Variants in TLK2 observed in about 807,000 individuals in gnomAD.
TLK2 encodes tousled like kinase 2.
A neutral mutation model predicts 117.3 loss-of-function variants in TLK2; 6 were observed. The ratio of observed to expected loss-of-function variants is 0.05; its 90% CI spans 0.03 to 0.10. TLK2 has a LOEUF of 0.10. TLK2 is among the 10% of genes least tolerant of loss of function. TLK2 has a pLI of 1.00. For missense variants in TLK2, 299 were observed against 901.2 expected, an observed-to-expected ratio of 0.33 and a Z score of 8.56; for synonymous variants, 257 against 316.7, an observed-to-expected ratio of 0.81 and a Z score of 2.00.
chr17:62,476,384 C>G (rs1368812013), upstream of TLK2, among the ~76,000 whole-genome samples: 3 of 151,740 alleles, frequency 2.0e-5, no homozygotes, highest in Non-Finnish European at 2.9e-5. Context: ...GAGTTCGAGA[C>G]CAGTCTGGCC....
chr17:62,482,260 C>CT (rs1399213055), intron 2 of TLK2, among the ~76,000 whole-genome samples: 1 of 151,958 alleles, frequency 6.6e-6, no homozygotes, highest in Admixed American at 6.6e-5. Context: ...AGCTTTTGAT[C>CT]TTTAACCAGT....
chr17:62,586,649 G>A (rs1015344329), intron 16 of TLK2, among the ~76,000 whole-genome samples: 36 of 151,944 alleles, frequency 2.4e-4, no homozygotes, highest in African/African-American at 8.7e-4. Flanking sequence ...GTGAAACCCC[G>A]TCTCTACTAA....
chr17:62,554,575 T>A (rs893532281), intron 9 of TLK2, among the ~76,000 whole-genome samples: 1 of 151,762 alleles, frequency 6.6e-6, no homozygotes, highest in Admixed American at 6.6e-5. Context: ...GAGTGATACT[T>A]TGTCTCAAGA....
intron 17 of TLK2, among the ~76,000 whole-genome samples, chr17:62,598,989 A>G (rs1417447483): frequency 1.3e-5 from 2 of 151,958 alleles, no homozygotes; most frequent in African/African-American, 4.8e-5. Context: ...TCTGTTGCCC[A>G]GGCAGTAGTG....
intron 5 of TLK2, 47 bp downstream of exon 5, chr17:62,523,224 A>C: frequency 6.3e-7 from 1 of 1,586,284 alleles, no homozygotes; most frequent in Non-Finnish European, 8.5e-7. Flanking sequence ...CAAAACAAAA[A>C]AACTCTATAG....
chr17:62,574,190 A>G (rs2080557309), intron 12 of TLK2, among the ~76,000 whole-genome samples: 1 of 152,240 alleles, frequency 6.6e-6, no homozygotes, highest in African/African-American at 2.4e-5. Context: ...TATTATTGTT[A>G]AAAGTCTGTG....
intron 2 of TLK2, among the ~76,000 whole-genome samples, chr17:62,515,890 A>G (rs1213136582): frequency 1.3e-5 from 2 of 152,098 alleles, no homozygotes; most frequent in African/African-American, 4.8e-5. Context: ...CATTCGAGAA[A>G]TCATTGCTAA....
chr17:62,512,835 GTTTT>G lies in TLK2; in HGVS notation c.82-7934_82-7931del, dbSNP rs910394464. ...TACATTTAAGTTCTTGATCTATTTT[GTTTT>G]TTTCTCTTTTAAAAATTTATTAATT... is the stretch of plus-strand genomic sequence containing the variant. On this transcript the variant is annotated intron_variant, in intron 2 of 21. Transcript: ENST00000346027. 4.9e-4 allele frequency among the ~76,000 whole-genome samples: 71 copies of G among 145,594 alleles called. 2 individuals carry two copies. Among genetic ancestry groups the G allele is most frequent in the East Asian group, 2.8e-3 (14 of 4,984 alleles).
At chr17:62,481,091 T>C (rs2071590883) in intron 1 of TLK2, 30 bp from the exon 2 acceptor site, 29 of 1,610,206 alleles carry the variant, frequency 1.8e-5, no homozygotes, top group Non-Finnish European at 2.5e-5. Flanking sequence ...TTAGTGTTTA[T>C]GGTTTCACAG....
chr17:62,492,462 T>G (rs1171261961), intron 2 of TLK2, among the ~76,000 whole-genome samples: 1 of 152,080 alleles, frequency 6.6e-6, no homozygotes, highest in African/African-American at 2.4e-5. Context: ...AAACTGTTTT[T>G]TTTTTTGTTT....
At chr17:62,516,230 T>C in intron 2 of TLK2, 5 of 765,718 alleles carry the variant, frequency 6.5e-6, no homozygotes, top group East Asian at 5.6e-5. Flanking sequence ...CGGCTCTCCC[T>C]GTTTTCTTCT....
intron 21 of TLK2, 70 bp downstream of exon 21, chr17:62,608,218 T>C: frequency 8.4e-7 from 1 of 1,185,282 alleles, no homozygotes. Flanking sequence ...TTTTGGGTAA[T>C]AGTGGATGGA....
intron 14 of TLK2, 77 bp from the exon 15 acceptor site, chr17:62,580,034 G>A: frequency 8.9e-7 from 1 of 1,122,186 alleles, no homozygotes; most frequent in Non-Finnish European, 1.3e-6. Flanking sequence ...TAATGTGTTA[G>A]ATATTCTGGG....
chr17:62,564,743 C>CA (rs1233929465), intron 10 of TLK2, among the ~76,000 whole-genome samples: 2 of 151,110 alleles, frequency 1.3e-5, no homozygotes, highest in Non-Finnish European at 3.0e-5. Context: ...ACCAAACAAA[C>CA]AAAAAACCCC....
intron 12 of TLK2, among the ~76,000 whole-genome samples, chr17:62,575,359 AT>A (rs1351557013): frequency 6.6e-6 from 1 of 152,166 alleles, no homozygotes; most frequent in Non-Finnish European, 1.5e-5. Context: ...CTTAGCCATC[AT>A]TTTTAATTTT....
chr17:62,535,604 T>G (rs2077055360), intron 6 of TLK2, among the ~76,000 whole-genome samples: 1 of 151,758 alleles, frequency 6.6e-6, no homozygotes, highest in African/African-American at 2.4e-5. Context: ...CCGTCTCTAC[T>G]AAAAATACAA....
At chr17:62,522,387 T>C in intron 4 of TLK2, 114 bp downstream of exon 4, 1 of 1,188,690 alleles carries the variant, frequency 8.4e-7, no homozygotes, top group South Asian at 1.5e-5. Flanking sequence ...AAAGGAGGTT[T>C]GTGTATCTTA....
chr17:62,556,319 T>C (rs2078862503), intron 9 of TLK2, among the ~76,000 whole-genome samples: 2 of 152,234 alleles, frequency 1.3e-5, no homozygotes, highest in African/African-American at 4.8e-5. Flanking sequence ...TTGTAGTCAT[T>C]GTTAGACTTG....
At chr17:62,527,238 C>T (rs2076424026) in intron 6 of TLK2, among the ~76,000 whole-genome samples, 1 of 152,226 alleles carries the variant, frequency 6.6e-6, no homozygotes, top group Non-Finnish European at 1.5e-5. Context: ...AGCAGTCCCT[C>T]ATACCTTGTC....
Sources: gnomAD v4.1 joint callset for allele counts (sites outside exome capture counted in the v4.1 genomes callset) on GRCh38, gnomAD v4.1.1 for gene constraint, MANE v1.5 for transcripts, NCBI Gene and HGNC (gene_info 2026-07-23, HGNC 2026-07-21) for gene names.